FN3K: variants seen among roughly 807,000 people sequenced by gnomAD.
The protein encoded by FN3K is fructosamine-3-kinase.
A neutral mutation model predicts 24.8 loss-of-function variants in FN3K; 24 were observed. The ratio of observed to expected loss-of-function variants is 0.97; its 90% CI spans 0.70 to 1.36. The LOEUF is 1.36. Among genes scored for constraint, FN3K ranks in the 40% most tolerant of loss-of-function variants. The probability of loss-of-function intolerance (pLI) is 0.00; values close to 1 mark genes in which losing one functional copy is unlikely to be tolerated. For synonymous variants in FN3K, 192 were observed against 175.2 expected, an observed-to-expected ratio of 1.10 and a Z score of -0.76; for missense variants, 449 against 416.7, an observed-to-expected ratio of 1.08 and a Z score of -0.67.
At chr17:82,740,656 A>G (rs2046936119) in intron 2 of FN3K, 107 bp from the exon 3 acceptor site, 3 of 772,880 alleles carry the variant, frequency 3.9e-6, no homozygotes, top group Non-Finnish European at 6.7e-6. Context: ...TGTTTGAAGA[A>G]TGGAGAATAG....
At chr17:82,749,541 G>A in intron 5 of FN3K, 1 of 187,406 alleles carries the variant, frequency 5.3e-6, no homozygotes, top group African/African-American at 2.4e-5. Context: ...GTGCATGCCT[G>A]TAATCCCAGC....
At chr17:82,743,530 G>C (rs889021138) in intron 4 of FN3K, among the ~76,000 whole-genome samples, 7 of 152,194 alleles carry the variant, frequency 4.6e-5, no homozygotes, top group Non-Finnish European at 8.8e-5. Flanking sequence ...ATGGGGGGCA[G>C]TGCTGAGCGG....
chr17:82,738,923 C>T lies in FN3K; in HGVS notation c.293+283C>T, dbSNP rs539267358. On this transcript the variant is annotated intron_variant, in intron 2 of 5. Coordinates refer to ENST00000300784, the MANE Select transcript of FN3K (RefSeq NM_022158.4). ...AGGCTGCATAAAATATATATATATACACATATATATATATATATATATATT... is the reference window on the plus strand; with the variant it reads ...AGGCTGCATAAAATATATATATATATACATATATATATATATATATATATT... Among the ~76,000 whole-genome samples the T allele has an allele frequency of 9.0e-4, 36 of 40,172 alleles. 1 individual carries two copies. Among genetic ancestry groups the T allele is most frequent in the African/African-American group, 2.8e-3 (25 of 8,850 alleles). The allele number at this position is 40,172 out of a possible 152,430, so 26.4% of individuals were successfully genotyped here.
At chr17:82,741,217 A>G (rs2252848) in intron 3 of FN3K, 94 bp from the exon 4 acceptor site, 721,988 of 1,100,666 alleles carry the variant, frequency 0.66, 238,183 homozygotes, top group African/African-American at 0.77. Flanking sequence ...ATATTCTAGC[A>G]TGCGTAGCCC....
chr17:82,735,944 G>T, intron 1 of FN3K, 167 bp downstream of exon 1: 1 of 875,150 alleles, frequency 1.1e-6, no homozygotes, highest in Non-Finnish European at 1.7e-6. Flanking sequence ...GTTCTGTGAA[G>T]GTTTGTGTCT....
intron 2 of FN3K, 25 bp downstream of exon 2, chr17:82,738,665 C>T: frequency 1.2e-6 from 2 of 1,612,928 alleles, no homozygotes; most frequent in Non-Finnish European, 1.7e-6. Flanking sequence ...GACCCATATG[C>T]GCACATGTGT....
At chr17:82,747,932 G>A (rs915298370) in intron 4 of FN3K, among the ~76,000 whole-genome samples, 1 of 152,144 alleles carries the variant, frequency 6.6e-6, no homozygotes, top group Non-Finnish European at 1.5e-5. Flanking sequence ...ACGTAGGAAC[G>A]GGGGTGGGCA....
Position 82,740,829 on chromosome 17 carries a change from G to C in FN3K, c.360G>C (p.Lys120Asn), listed in dbSNP as rs1351806439. Residue 120 changes from lysine to asparagine, a missense_variant, in exon 3 of 6, where the codon AAG becomes AAC. Coordinates refer to ENST00000300784, the MANE Select transcript of FN3K (RefSeq NM_022158.4). ...LHLYNQKLRE[K>N]LKEEENTVGR... ...TTTACAACCAGAAGCTCAGGGAGAA[G>C]TTGAAGGAGGAGGAGAACACAGTGG... The C allele has an allele frequency of 6.2e-7, 1 of 1,613,602 alleles. No homozygotes were observed. Among genetic ancestry groups the C allele is most frequent in the South Asian group, 1.1e-5 (1 of 91,070 alleles).
chr17:82,741,463 T>G, intron 4 of FN3K, 70 bp downstream of exon 4: 1 of 1,356,194 alleles, frequency 7.4e-7, no homozygotes, highest in Non-Finnish European at 1.0e-6. Context: ...TGTGACAGAA[T>G]GCTAATCTCC....
At position 82,750,869 on chromosome 17, in the gene FN3K, T is replaced by A. The variant is rs1458760734; in HGVS notation, c.*114T>A. 7 of 574,168 alleles carry A rather than the reference T, an allele frequency of 1.2e-5. No homozygotes were observed. Among genetic ancestry groups the A allele is most frequent in the Non-Finnish European group, 2.0e-5 (7 of 358,936 alleles). The allele number at this position is 574,168 out of a possible 1,614,324, so 35.6% of individuals were successfully genotyped here. Reference sequence around the variant, plus strand: ...CTGTCCCCCTGTTCCCGTCTCCCCGTCCCTCCGTCTCCATCCCCCCGTCCC... The same window carrying A: ...CTGTCCCCCTGTTCCCGTCTCCCCGACCCTCCGTCTCCATCCCCCCGTCCC... On this transcript the variant is annotated 3_prime_UTR_variant, in exon 6 of 6. Transcript: ENST00000300784.
At chr17:82,738,430 C>T in intron 1 of FN3K, 59 bp from the exon 2 acceptor site, 1 of 1,606,974 alleles carries the variant, frequency 6.2e-7, no homozygotes, top group East Asian at 2.2e-5. Context: ...GTCAAGGGCC[C>T]AGTGGGCAGA....
chr17:82,737,480 G>T (rs184400055), intron 1 of FN3K, among the ~76,000 whole-genome samples: 2 of 152,144 alleles, frequency 1.3e-5, no homozygotes, highest in East Asian at 3.9e-4. Context: ...CCGCCACCTT[G>T]CCTGGCTAAT....
Position 82,740,469 on chromosome 17 carries a change from G to C in FN3K, c.294-294G>C, listed in dbSNP as rs573678351. Among the ~76,000 whole-genome samples the C allele has an allele frequency of 2.7e-5, 4 of 148,888 alleles. No individual in the cohort carries two copies. The East Asian group carries it at 7.9e-4, about 30-fold the overall frequency. ...AAGCCAGGAATGGTGGCACAGGCATGTGGTCCCAGCTAGTTGTGAGGCTGA... is the reference window on the plus strand; with the variant it reads ...AAGCCAGGAATGGTGGCACAGGCATCTGGTCCCAGCTAGTTGTGAGGCTGA... On this transcript the variant is annotated intron_variant, in intron 2 of 5. Coordinates refer to ENST00000300784, the MANE Select transcript of FN3K (RefSeq NM_022158.4).
At chr17:82,740,707 G>T in intron 2 of FN3K, 56 bp from the exon 3 acceptor site, 2 of 1,206,428 alleles carry the variant, frequency 1.7e-6, no homozygotes, top group South Asian at 1.3e-5. Context: ...GGAACAAACT[G>T]GGTGGTGTTA....
intron 2 of FN3K, among the ~76,000 whole-genome samples, chr17:82,738,925 C>CGTATATAT (rs1261335715): frequency 1.9e-5 from 2 of 104,086 alleles, no homozygotes; most frequent in African/African-American, 4.1e-5. Context: ...TATATATACA[C>CGTATATAT]ATATATATAT....
At chr17:82,737,424 T>G (rs1011002208) in intron 1 of FN3K, among the ~76,000 whole-genome samples, 1 of 151,844 alleles carries the variant, frequency 6.6e-6, no homozygotes, top group Non-Finnish European at 1.5e-5. Context: ...CCCGGTTCAC[T>G]CCATTCTCCT....
rs905787222 is a variant in FN3K, at chr17:82,748,965, G to T, written c.579G>T (p.Trp193Cys). Residue 193 changes from tryptophan to cysteine, a missense_variant, in exon 5 of 6, where the codon TGG becomes TGT. Coordinates refer to ENST00000300784, the MANE Select transcript of FN3K (RefSeq NM_022158.4). ...DYADREAREL[W>C]SRLQVKIPDL... Reference sequence around the variant, plus strand: ...CTGACCGAGAGGCACGAGAACTCTGGTCCCGGCTACAGGTGGGCACGGCAG... The same window carrying T: ...CTGACCGAGAGGCACGAGAACTCTGTTCCCGGCTACAGGTGGGCACGGCAG... 2 of 1,614,186 alleles carry T rather than the reference G, an allele frequency of 1.2e-6. No homozygotes were observed. Among genetic ancestry groups the T allele is most frequent in the Admixed American group, 1.7e-5 (1 of 60,018 alleles).
intron 5 of FN3K, 24 bp downstream of exon 5, chr17:82,749,001 G>A (rs2046984998): frequency 1.2e-6 from 2 of 1,613,902 alleles, no homozygotes; most frequent in South Asian, 2.2e-5. Context: ...TGACTTCTCT[G>A]GGAAAGAGCT....
Position 82,738,613 on chromosome 17 carries a change from A to G in FN3K, c.266A>G (p.Glu89Gly). 1 of 1,614,044 alleles carries G rather than the reference A, an allele frequency of 6.2e-7. No homozygotes were observed. The highest frequency in any genetic ancestry group is 8.5e-7 in the Non-Finnish European group (1 of 1,179,986). ...LPGGGAAFVMEHLKMKSLSSQ... is the reference protein window; with the variant it reads ...LPGGGAAFVMGHLKMKSLSSQ... ...GGAGGTGGGGCCGCCTTTGTGATGG[A>G]GCATTTGAAGATGAAGAGCTTGAGC... The change falls in exon 2 of 6, where the codon GAG becomes GGG. Residue 89 changes from glutamate to glycine, a missense_variant. Physicochemically the swap from Glu to Gly is moderately conservative, Grantham distance 98. Coordinates refer to ENST00000300784, the MANE Select transcript of FN3K (RefSeq NM_022158.4).
Sources: allele counts gnomAD v4.1 joint callset (sites outside exome capture counted in the v4.1 genomes callset), GRCh38; gene constraint gnomAD v4.1.1; transcripts MANE v1.5; gene names NCBI Gene and HGNC (gene_info 2026-07-23, HGNC 2026-07-21).